The following ASB5 variants were observed in gnomAD, a reference collection of about 807,000 sequenced individuals.
ASB5 encodes ankyrin repeat and SOCS box protein 5.
A neutral mutation model predicts 42.1 loss-of-function variants in ASB5; 45 were observed. That is an observed-to-expected ratio of 1.07 (90% confidence interval 0.84 to 1.37). The LOEUF (loss-of-function observed/expected upper bound fraction) is 1.37. ASB5 is among the 40% of genes most tolerant of loss of function. The probability of loss-of-function intolerance (pLI) is 0.00; values close to 1 mark genes in which losing one functional copy is unlikely to be tolerated. For synonymous variants in ASB5, 147 were observed against 150.6 expected, an observed-to-expected ratio of 0.98 and a Z score of 0.18; for missense variants, 402 against 399.8, an observed-to-expected ratio of 1.01 and a Z score of -0.05.
intron 1 of ASB5, among the ~76,000 whole-genome samples, chr4:176,225,546 C>T (rs1343592514): frequency 6.6e-6 from 1 of 151,858 alleles, no homozygotes; most frequent in Non-Finnish European, 1.5e-5. Context: ...AGCCATGATG[C>T]ATGCTCTGGA....
At chr4:176,275,736 A>C (rs1416351520) in intron 2 of ASB5, 1 of 152,186 alleles carries the variant, frequency 6.6e-6, no homozygotes, top group East Asian at 1.9e-4. Flanking sequence ...GAAGATAAGC[A>C]CTAGTCATGC....
chr4:176,214,471 A>G lies in ASB5; in HGVS notation c.*1129T>C, dbSNP rs969555142. 6.6e-6 allele frequency: 1 copy of G among 152,176 alleles called. No individual in the cohort carries two copies. Among genetic ancestry groups the G allele is most frequent in the Non-Finnish European group, 1.5e-5 (1 of 68,032 alleles). 9.4% of individuals were successfully genotyped at this position (152,176 alleles called of 1,614,324 possible). A position where few individuals can be genotyped will look rare whatever the true frequency, so the allele number is the denominator to read the frequency against. ...AGTTAAAGCTGAAGAGAATAAACGTAGTATTTACCCTTGCAGAGGACTAGC... is the reference window on the plus strand; with the variant it reads ...AGTTAAAGCTGAAGAGAATAAACGTGGTATTTACCCTTGCAGAGGACTAGC... On this transcript the variant is annotated 3_prime_UTR_variant, in exon 7 of 7. Transcript: ENST00000296525.
chr4:176,270,872 C>T (rs373561288), upstream of ASB5, among the ~76,000 whole-genome samples: 2 of 152,144 alleles, frequency 1.3e-5, no homozygotes, highest in Non-Finnish European at 2.9e-5. Context: ...TGAGTCACTG[C>T]AGACTTCCTC....
chr4:176,264,944 C>T (rs1396106809), intron 1 of ASB5, among the ~76,000 whole-genome samples: 1 of 151,968 alleles, frequency 6.6e-6, no homozygotes, highest in Non-Finnish European at 1.5e-5. Context: ...ACCACTATTA[C>T]CAAACTAGTC....
chr4:176,227,780 A>G (rs886172182), intron 1 of ASB5, among the ~76,000 whole-genome samples: 4 of 152,234 alleles, frequency 2.6e-5, no homozygotes, highest in South Asian at 4.2e-4. Flanking sequence ...TAGCAATCCT[A>G]TCTCTCAATA....
Position 176,269,174 on chromosome 4 carries a change from C to A in ASB5, c.-66G>T. On this transcript the variant is annotated 5_prime_UTR_variant, in exon 1 of 7. Coordinates refer to ENST00000296525, the MANE Select transcript of ASB5 (RefSeq NM_080874.4). ...GTCTCAAATGTGCCTGGCTCTCGTC[C>A]GGGATGCTCCTGAACAGCTGGTCCT... 1 of 1,459,314 alleles carries A rather than the reference C, an allele frequency of 6.9e-7. No individual in the cohort carries two copies. The highest frequency in any genetic ancestry group is 1.4e-5 in the African/African-American group (1 of 71,504). 90.4% of individuals were successfully genotyped at this position (1,459,314 alleles called of 1,614,324 possible).
At chr4:176,228,806 T>C (rs1225886045) in intron 1 of ASB5, among the ~76,000 whole-genome samples, 1 of 152,290 alleles carries the variant, frequency 6.6e-6, no homozygotes, top group East Asian at 1.9e-4. Flanking sequence ...TAATGTTCTT[T>C]TGGGGAAAGC....
Position 176,266,896 on chromosome 4 carries a change from A to C in ASB5, c.196+2017T>G, listed in dbSNP as rs373572009. 2.6e-5 allele frequency among the ~76,000 whole-genome samples: 4 copies of C among 152,328 alleles called. No homozygotes were observed. In the South Asian group the frequency reaches 6.2e-4, roughly 24 times the overall value. On this transcript the variant is annotated intron_variant, in intron 1 of 6. Coordinates refer to ENST00000296525, the MANE Select transcript of ASB5 (RefSeq NM_080874.4). The stretch of plus-strand genomic sequence containing the variant: ...TAATTTAAAACAGAATCCTAAAAGT[A>C]TATGGGAATGTGGAAACCATTGCAT...
chr4:176,238,390 CAATTT>C (rs1270172834), intron 1 of ASB5, among the ~76,000 whole-genome samples: 1 of 152,008 alleles, frequency 6.6e-6, no homozygotes, highest in Non-Finnish European at 1.5e-5. Flanking sequence ...CGTCAGCAGT[CAATTT>C]AAGTACAGCT....
In ASB5 at chr4:176,213,808, G is replaced by T. The variant is rs1752897392; in HGVS notation, c.*1792C>A. ...TACAGACATACTGAAATTGTAAAGT[G>T]ACCATTTTAATGTTTGATATTTACT... On this transcript the variant is annotated 3_prime_UTR_variant, in exon 7 of 7. Transcript: ENST00000296525. The T allele has an allele frequency of 6.6e-6, 1 of 152,006 alleles. No homozygotes were observed. The highest frequency in any genetic ancestry group is 6.6e-5 in the Admixed American group (1 of 15,256). The allele number at this position is 152,006 out of a possible 1,614,324, so 9.4% of individuals were successfully genotyped here.
intron 1 of ASB5, among the ~76,000 whole-genome samples, chr4:176,236,278 CT>C (rs1282084838): frequency 6.6e-6 from 1 of 151,796 alleles, no homozygotes; most frequent in Non-Finnish European, 1.5e-5. Context: ...ACAGGATTGT[CT>C]TTATTTCTTT....
chr4:176,222,924 CCCA>C (rs1270132468), intron 2 of ASB5, among the ~76,000 whole-genome samples: 2 of 141,960 alleles, frequency 1.4e-5, no homozygotes, highest in African/African-American at 5.2e-5. Context: ...ACTACAGGCG[CCCA>C]CCACAAGGCC....
At chr4:176,224,739 T>C (rs6827550) in intron 2 of ASB5, among the ~76,000 whole-genome samples, 32,583 of 152,040 alleles carry the variant, frequency 0.21, 3,605 homozygotes, top group African/African-American at 0.26. Flanking sequence ...TGTTTTCTGT[T>C]TCAATAAGGA....
chr4:176,249,977 A>C (rs1968855), intron 1 of ASB5, among the ~76,000 whole-genome samples: 4,632 of 150,694 alleles, frequency 0.031, 244 homozygotes, highest in African/African-American at 0.11. Flanking sequence ...AGGCAGGAGA[A>C]TGACATTAAC....
chr4:176,222,817 A>G (rs568896541), intron 2 of ASB5, among the ~76,000 whole-genome samples: 144 of 152,164 alleles, frequency 9.5e-4, no homozygotes, highest in African/African-American at 3.2e-3. Flanking sequence ...TCACTCTGTC[A>G]CCCAAGCTGG....
intron 2 of ASB5, among the ~76,000 whole-genome samples, chr4:176,222,750 G>A (rs567108622): frequency 5.3e-4 from 81 of 151,970 alleles, no homozygotes; most frequent in African/African-American, 1.8e-3. Flanking sequence ...CTAAACACTC[G>A]TTTTGTAGAA....
intron 1 of ASB5, among the ~76,000 whole-genome samples, chr4:176,235,033 C>T (rs1331808201): frequency 1.3e-5 from 2 of 152,082 alleles, no homozygotes; most frequent in African/African-American, 4.8e-5. Context: ...TTTGAATGTC[C>T]AGTTGAAATT....
At chr4:176,215,788 G>A in intron 6 of ASB5, 61 bp from the exon 7 acceptor site, 1 of 1,489,584 alleles carries the variant, frequency 6.7e-7, no homozygotes, top group Non-Finnish European at 9.1e-7. Context: ...TATGTTGTAA[G>A]GTACATAACA....
At chr4:176,275,644 G>A (rs545810643) in intron 2 of ASB5, among the ~76,000 whole-genome samples, 1 of 152,262 alleles carries the variant, frequency 6.6e-6, no homozygotes, top group Non-Finnish European at 1.5e-5. Flanking sequence ...TGTCTGCTGG[G>A]GCTGCAGGAG....
Sources: allele counts gnomAD v4.1 joint callset (sites outside exome capture counted in the v4.1 genomes callset), GRCh38; gene constraint gnomAD v4.1.1; transcripts MANE v1.5; gene names NCBI Gene and HGNC (gene_info 2026-07-23, HGNC 2026-07-21).